OXCT1: variants seen among roughly 807,000 people sequenced by gnomAD.
The protein encoded by OXCT1 is 3-oxoacid CoA-transferase 1, also known as succinyl-CoA:3-ketoacid coenzyme A transferase 1, mitochondrial.
Under a neutral mutation model 69.6 loss-of-function variants are expected in OXCT1, and 27 were observed. The observed-to-expected ratio is 0.39, with a 90% CI of 0.29 to 0.54. The LOEUF is 0.54. Among genes scored for constraint, OXCT1 ranks in the 20% least tolerant of loss-of-function variants. OXCT1 has a pLI of 0.72. For missense variants in OXCT1, 437 were observed against 650.2 expected, an observed-to-expected ratio of 0.67 and a Z score of 3.57; for synonymous variants, 202 against 217.8, an observed-to-expected ratio of 0.93 and a Z score of 0.64.
intron 13 of OXCT1, among the ~76,000 whole-genome samples, chr5:41,766,304 G>C (rs564847583): frequency 6.6e-6 from 1 of 152,126 alleles, no homozygotes; most frequent in African/African-American, 2.4e-5. Flanking sequence ...CCTTTCTAAA[G>C]ATACTGATTC....
At chr5:41,862,928 T>C (rs1480846444) in intron 1 of OXCT1, among the ~76,000 whole-genome samples, 178 bp from the exon 2 acceptor site, 1 of 152,172 alleles carries the variant, frequency 6.6e-6, no homozygotes, top group Non-Finnish European at 1.5e-5. Flanking sequence ...AGGTAATACA[T>C]GTATATATTT....
intron 15 of OXCT1, among the ~76,000 whole-genome samples, chr5:41,744,184 G>T (rs1743348382): frequency 6.6e-6 from 1 of 151,890 alleles, no homozygotes; most frequent in African/African-American, 2.4e-5. Flanking sequence ...GGTCCTTCAG[G>T]TCCCTTGTAA....
chr5:41,739,438 T>A lies in OXCT1; in HGVS notation c.1473A>T (p.Glu491Asp), dbSNP rs1253451781. 1 of 1,613,982 alleles carries A rather than the reference T, an allele frequency of 6.2e-7. No homozygotes were observed. Among genetic ancestry groups the A allele is most frequent in the East Asian group, 2.2e-5 (1 of 44,892 alleles). ...TCTGTACGTCATCCACTGTCAGGCC[T>A]TCCCAGAGCTCAATCAGAGTCAACC... ...KKGLTLIELW[E>D]GLTVDDVQKS... The change falls in exon 16 of 17, where the codon GAA becomes GAT. Residue 491 changes from glutamate to aspartate, a missense_variant. Physicochemically the swap from Glu to Asp is conservative, Grantham distance 45. Coordinates refer to ENST00000196371, the MANE Select transcript of OXCT1 (RefSeq NM_000436.4).
At chr5:41,823,536 G>T (rs374773468) in intron 7 of OXCT1, among the ~76,000 whole-genome samples, 1 of 152,188 alleles carries the variant, frequency 6.6e-6, no homozygotes, top group African/African-American at 2.4e-5. Context: ...GTGATTCTCC[G>T]TATTAGCCTG....
At chr5:41,815,996 C>T (rs918802543) in intron 7 of OXCT1, among the ~76,000 whole-genome samples, 1 of 152,158 alleles carries the variant, frequency 6.6e-6, no homozygotes, top group Admixed American at 6.5e-5. Context: ...ATACTTAACA[C>T]ATAAAATGCA....
In OXCT1 at chr5:41,789,948, C is replaced by A. The variant is rs548673180; in HGVS notation, c.1248+4055G>T. On this transcript the variant is annotated intron_variant, in intron 13 of 16. Coordinates refer to ENST00000196371, the MANE Select transcript of OXCT1 (RefSeq NM_000436.4). ...AAAACAGGTAGCATGTCTAGAGAAC[C>A]CAATCAATTTTATGTGCTCAGACAT... Among the ~76,000 whole-genome samples, 110 of 152,182 alleles carry A rather than the reference C, an allele frequency of 7.2e-4. 1 individual carries two copies. Among genetic ancestry groups the A allele is most frequent in the African/African-American group, 2.6e-3 (109 of 41,516 alleles).
At chr5:41,807,250 C>G in intron 8 of OXCT1, 81 bp downstream of exon 8, 1 of 798,202 alleles carries the variant, frequency 1.3e-6, no homozygotes, top group Non-Finnish European at 2.2e-6. Context: ...CTCTAGTTCC[C>G]CATCATCTCG....
Position 41,750,898 on chromosome 5 carries a change from T to C in OXCT1, c.1339-1291A>G, listed in dbSNP as rs185290136. Among the ~76,000 whole-genome samples, 35 of 152,224 alleles carry C rather than the reference T, an allele frequency of 2.3e-4. No homozygotes were observed. The East Asian group carries it at 6.8e-3, about 29-fold the overall frequency. On this transcript the variant is annotated intron_variant, in intron 14 of 16. Coordinates refer to ENST00000196371, the MANE Select transcript of OXCT1 (RefSeq NM_000436.4). The stretch of plus-strand genomic sequence containing the variant: ...AATGGGAAGAGAAACAGAGGTAAAT[T>C]GGGAATCTTGGATAGATTTTTAAAA...
At chr5:41,767,987 A>G (rs985091957) in intron 13 of OXCT1, among the ~76,000 whole-genome samples, 6 of 151,782 alleles carry the variant, frequency 4.0e-5, no homozygotes, top group Non-Finnish European at 7.4e-5. Context: ...GAGTGACTCC[A>G]TCTAGTTTCA....
chr5:41,808,641 G>T (rs1253084829), intron 7 of OXCT1, among the ~76,000 whole-genome samples: 1 of 152,096 alleles, frequency 6.6e-6, no homozygotes, highest in Non-Finnish European at 1.5e-5. Context: ...TGAACTACTG[G>T]GTAGAGAGGC....
At position 41,733,699 on chromosome 5, in the gene OXCT1, T is replaced by C. The variant is rs920080756; in HGVS notation, c.1522-1929A>G. Among the ~76,000 whole-genome samples, 74 of 152,250 alleles carry C rather than the reference T, an allele frequency of 4.9e-4. 1 individual carries two copies. Among genetic ancestry groups the C allele is most frequent in the African/African-American group, 1.7e-3 (72 of 41,466 alleles). ...CCTATTTTGAGCTCTTAATGTCATT[T>C]ACATTCTCAATGTGAAAAATGACAT... On this transcript the variant is annotated intron_variant, in intron 16 of 16. Transcript: ENST00000196371.
intron 7 of OXCT1, among the ~76,000 whole-genome samples, chr5:41,808,253 C>T (rs985489159): frequency 9.2e-5 from 14 of 152,072 alleles, no homozygotes; most frequent in African/African-American, 3.4e-4. Context: ...GACACGCACG[C>T]ACACAAACAT....
intron 13 of OXCT1, among the ~76,000 whole-genome samples, chr5:41,787,360 C>T (rs1745687494): frequency 6.6e-6 from 1 of 152,042 alleles, no homozygotes; most frequent in South Asian, 2.1e-4. Flanking sequence ...GGGAAGCCAA[C>T]AAGATAGGTC....
chr5:41,854,564 C>T (rs988518503), intron 3 of OXCT1, among the ~76,000 whole-genome samples: 11 of 151,572 alleles, frequency 7.3e-5, no homozygotes, highest in African/African-American at 2.7e-4. Context: ...AATACTTGAC[C>T]TTAAGCTTTT....
intron 7 of OXCT1, among the ~76,000 whole-genome samples, chr5:41,824,327 T>C (rs1747703621): frequency 6.6e-6 from 1 of 152,326 alleles, no homozygotes; most frequent in Middle Eastern, 3.4e-3. Context: ...TATTAGGCTA[T>C]ATATCTCCTT....
At chr5:41,821,494 T>C (rs543143814) in intron 7 of OXCT1, among the ~76,000 whole-genome samples, 1 of 152,342 alleles carries the variant, frequency 6.6e-6, no homozygotes, top group Admixed American at 6.5e-5. Flanking sequence ...TGCTGGATTA[T>C]TTGGTAAGAG....
At chr5:41,748,463 T>C (rs923540848) in intron 15 of OXCT1, among the ~76,000 whole-genome samples, 2 of 152,102 alleles carry the variant, frequency 1.3e-5, no homozygotes, top group African/African-American at 4.8e-5. Context: ...ATCTTTAAAG[T>C]AATGGATTCT....
At chr5:41,828,422 C>T (rs1199369001) in intron 7 of OXCT1, among the ~76,000 whole-genome samples, 1 of 152,048 alleles carries the variant, frequency 6.6e-6, no homozygotes, top group Non-Finnish European at 1.5e-5. Flanking sequence ...CTGCACATGG[C>T]CAGGCTACAC....
chr5:41,739,287 C>T, intron 16 of OXCT1, 103 bp downstream of exon 16: 1 of 832,490 alleles, frequency 1.2e-6, no homozygotes, highest in Non-Finnish European at 2.1e-6. Context: ...TAAAGGTCAA[C>T]TCCAAAAATG....
Sources: gnomAD v4.1 joint callset for allele counts (sites outside exome capture counted in the v4.1 genomes callset) on GRCh38, gnomAD v4.1.1 for gene constraint, MANE v1.5 for transcripts, NCBI Gene and HGNC (gene_info 2026-07-23, HGNC 2026-07-21) for gene names.